COL25A1: variants seen among roughly 807,000 people sequenced by gnomAD.
The protein encoded by COL25A1 is collagen type XXV alpha 1 chain.
A neutral mutation model predicts 128.4 loss-of-function variants in COL25A1; 103 were observed. That is an observed-to-expected ratio of 0.80 (90% CI 0.68 to 0.94). COL25A1 has a LOEUF of 0.94. COL25A1 is among the 40% of genes least tolerant of loss of function. The pLI is 0.00. For missense variants in COL25A1, 745 were observed against 840.0 expected (o/e 0.89, Z 1.40); for synonymous variants, 279 against 277.2 (o/e 1.01, Z -0.06).
intron 3 of COL25A1, among the ~76,000 whole-genome samples, chr4:109,209,649 G>C (rs1777330752): frequency 6.6e-6 from 1 of 151,986 alleles, no homozygotes; most frequent in South Asian, 2.1e-4. Flanking sequence ...TATTATCTTT[G>C]AAATACAGAC....
chr4:109,020,233 T>C (rs1202714197), intron 5 of COL25A1, among the ~76,000 whole-genome samples: 2 of 152,224 alleles, frequency 1.3e-5, no homozygotes, highest in East Asian at 3.8e-4. Context: ...TAAACATTAT[T>C]AATAATTTAT....
chr4:109,161,755 T>C (rs911714273), intron 3 of COL25A1, among the ~76,000 whole-genome samples: 9 of 152,248 alleles, frequency 5.9e-5, no homozygotes, highest in African/African-American at 2.2e-4. Context: ...ATTAATACTT[T>C]AAAATTATAC....
At chr4:109,065,961 G>A (rs893058001) in intron 3 of COL25A1, among the ~76,000 whole-genome samples, 9 of 152,176 alleles carry the variant, frequency 5.9e-5, no homozygotes, top group East Asian at 3.9e-4. Context: ...ACATGCTATC[G>A]GTCATTTAAA....
chr4:108,886,239 G>T (rs1349440417), intron 18 of COL25A1, among the ~76,000 whole-genome samples: 1 of 152,086 alleles, frequency 6.6e-6, no homozygotes, highest in African/African-American at 2.4e-5. Flanking sequence ...TACATGTAAT[G>T]TTACCCTTTG....
chr4:109,019,349 T>TACACAC (rs758326280), intron 5 of COL25A1, among the ~76,000 whole-genome samples: 4 of 54,272 alleles, frequency 7.4e-5, no homozygotes, highest in African/African-American at 3.7e-4. Context: ...TACACACACA[T>TACACAC]ACACACACAC....
chr4:109,087,104 G>A (rs570749492), intron 3 of COL25A1, among the ~76,000 whole-genome samples: 68 of 152,270 alleles, frequency 4.5e-4, no homozygotes, highest in Middle Eastern at 3.4e-3. Context: ...CACCCAGTGT[G>A]TGGGCAAAAT....
At chr4:109,211,514 G>A (rs574214333) in intron 3 of COL25A1, among the ~76,000 whole-genome samples, 1 of 151,270 alleles carries the variant, frequency 6.6e-6, no homozygotes, top group African/African-American at 2.4e-5. Flanking sequence ...GTGATAGGGA[G>A]AAGAGGTATG....
intron 5 of COL25A1, chr4:109,021,795 C>T (rs577986565): frequency 3.2e-4 from 146 of 453,328 alleles, no homozygotes; most frequent in African/African-American, 2.1e-3. Context: ...TATAAACCAC[C>T]GCTCTGGGAG....
intron 3 of COL25A1, among the ~76,000 whole-genome samples, chr4:109,300,181 C>CA (rs11404203): frequency 0.36 from 45,770 of 125,732 alleles, 8,148 homozygotes; most frequent in Non-Finnish European, 0.47. Flanking sequence ...TAAACCAAAA[C>CA]AAAAAAAAAA....
At chr4:109,074,987 A>G (rs1476362557) in intron 3 of COL25A1, among the ~76,000 whole-genome samples, 2 of 152,198 alleles carry the variant, frequency 1.3e-5, no homozygotes, top group Non-Finnish European at 2.9e-5. Context: ...TCTGTATTGC[A>G]TGTATCCCTA....
At chr4:108,921,664 A>G (rs1444128459) in intron 11 of COL25A1, among the ~76,000 whole-genome samples, 1 of 152,214 alleles carries the variant, frequency 6.6e-6, no homozygotes, top group Admixed American at 6.5e-5. Flanking sequence ...TTAAAAATAT[A>G]TAATGTTTAG....
chr4:108,955,586 A>G (rs1294308682), intron 8 of COL25A1, among the ~76,000 whole-genome samples: 1 of 152,216 alleles, frequency 6.6e-6, no homozygotes, highest in Non-Finnish European at 1.5e-5. Flanking sequence ...AGTGAAAGTC[A>G]ATCCAAGGAT....
At chr4:109,006,405 T>TGG (rs1756001256) in intron 6 of COL25A1, among the ~76,000 whole-genome samples, 1 of 99,904 alleles carries the variant, frequency 1.0e-5, no homozygotes, top group Non-Finnish European at 2.3e-5. Flanking sequence ...TTTTTTTTTT[T>TGG]TTTTTGGTAT....
In COL25A1 at chr4:109,020,517, G is replaced by T. The variant is rs1321515868; in HGVS notation, c.421-10142C>A. On this transcript the variant is annotated intron_variant, in intron 5 of 37. Coordinates refer to ENST00000399132, the MANE Select transcript of COL25A1 (RefSeq NM_198721.4). ...CATGGAGATTATTATGGGGGGGGGG[G>T]GGTTCAACATAAAAAACAAGATTCA... Among the ~76,000 whole-genome samples the T allele has an allele frequency of 2.6e-5, 3 of 117,054 alleles. 1 individual carries two copies. Among genetic ancestry groups the T allele is most frequent in the Admixed American group, 8.8e-5 (1 of 11,318 alleles). 76.8% of individuals were successfully genotyped at this position (117,054 alleles called of 152,430 possible).
At chr4:108,987,366 C>CA (rs1553991906) in intron 6 of COL25A1, among the ~76,000 whole-genome samples, 2 of 122,992 alleles carry the variant, frequency 1.6e-5, no homozygotes, top group Admixed American at 2.1e-4. Flanking sequence ...GCATACCTTT[C>CA]TTTTTTTTTC....
chr4:108,888,454 A>G (rs1313220418), intron 18 of COL25A1, among the ~76,000 whole-genome samples: 2 of 152,204 alleles, frequency 1.3e-5, no homozygotes, highest in African/African-American at 4.8e-5. Context: ...CTTGCTAGCT[A>G]CATCTGTGGT....
intron 35 of COL25A1, among the ~76,000 whole-genome samples, chr4:108,823,131 T>C (rs559880792): frequency 6.6e-6 from 1 of 152,244 alleles, no homozygotes; most frequent in Non-Finnish European, 1.5e-5. Context: ...TCAACAGCTA[T>C]GAATGTCACT....
chr4:109,062,742 T>C (rs1762089174), intron 3 of COL25A1, among the ~76,000 whole-genome samples: 1 of 152,210 alleles, frequency 6.6e-6, no homozygotes. Context: ...GGTTTAATCA[T>C]TCCTCATATT....
intron 3 of COL25A1, among the ~76,000 whole-genome samples, chr4:109,268,322 T>TC (rs1397294851): frequency 6.6e-6 from 1 of 152,188 alleles, no homozygotes; most frequent in Non-Finnish European, 1.5e-5. Context: ...TTTTCATGAT[T>TC]CTTGTATCCA....
Sources: gnomAD v4.1 joint callset for allele counts (sites outside exome capture counted in the v4.1 genomes callset) on GRCh38, gnomAD v4.1.1 for gene constraint, MANE v1.5 for transcripts, NCBI Gene and HGNC (gene_info 2026-07-23, HGNC 2026-07-21) for gene names.